The following INO80D variants were observed in gnomAD, a reference collection of about 807,000 sequenced individuals.
INO80D encodes the protein INO80 complex subunit D.
INO80D carries 21 observed loss-of-function variants against 87.6 expected under a neutral mutation model. The ratio of observed to expected loss-of-function variants is 0.24; its 90% confidence interval spans 0.17 to 0.35. The LOEUF (loss-of-function observed/expected upper bound fraction) is 0.35. Ranked by LOEUF, INO80D falls within the 10% of genes least tolerant of loss-of-function variation. The probability of loss-of-function intolerance (pLI) is 1.00; values close to 1 mark genes in which losing one functional copy is unlikely to be tolerated. For missense variants in INO80D, 982 were observed against 1,280.7 expected (o/e 0.77, Z 3.56); for synonymous variants, 440 against 491.0 (o/e 0.90, Z 1.37).
At chr2:206,040,032 C>G (rs900467038) in intron 5 of INO80D, among the ~76,000 whole-genome samples, 10 of 151,834 alleles carry the variant, frequency 6.6e-5, no homozygotes, top group Non-Finnish European at 2.9e-5. Flanking sequence ...GTGACTCACA[C>G]CTGTAATCCC....
At chr2:206,033,674 A>T (rs951550542) in intron 5 of INO80D, among the ~76,000 whole-genome samples, 1 of 152,192 alleles carries the variant, frequency 6.6e-6, no homozygotes, top group African/African-American at 2.4e-5. Flanking sequence ...TCACACCTCA[A>T]GGAAGTAGAG....
chr2:206,072,010 T>A (rs1333117278), intron 1 of INO80D, among the ~76,000 whole-genome samples: 3 of 152,108 alleles, frequency 2.0e-5, no homozygotes, highest in Non-Finnish European at 4.4e-5. Context: ...CCTACAAAAC[T>A]GGTAGGACTG....
rs111924182 is a variant in INO80D at position 206,053,869 on chromosome 2, C to T, written c.964+2329G>A. On this transcript the variant is annotated intron_variant, in intron 4 of 10. Coordinates refer to ENST00000403263, the MANE Select transcript of INO80D (RefSeq NM_017759.5). ...TTTTTTTTTTTTTGAGATGGAGTTT[C>T]GCTCTTGTTGCCCAAGCTGGAGTAC... Among the ~76,000 whole-genome samples the T allele has an allele frequency of 6.5e-3, 938 of 144,094 alleles. 8 individuals are homozygous for T. The highest frequency in any genetic ancestry group is 0.023 in the African/African-American group (899 of 39,264). The allele number at this position is 144,094 out of a possible 152,430, so 94.5% of individuals were successfully genotyped here. A position where few individuals can be genotyped will look rare whatever the true frequency, so the allele number is the denominator to read the frequency against.
At chr2:206,040,582 C>A in intron 5 of INO80D, 1 of 265,144 alleles carries the variant, frequency 3.8e-6, no homozygotes, top group Admixed American at 3.9e-5. Context: ...TGATCGCTAT[C>A]CCTGCAAAGT....
chr2:206,007,218 C>T (rs1322052268), intron 10 of INO80D, 66 bp downstream of exon 10: 3 of 1,409,686 alleles, frequency 2.1e-6, no homozygotes, highest in Non-Finnish European at 3.0e-6. Flanking sequence ...CATCTCAAAA[C>T]ACTATTTCTT....
rs544689044 is a variant in INO80D at position 206,056,593 on chromosome 2, C to T, written c.569G>A (p.Arg190Gln). 1.2e-6 allele frequency: 2 copies of T among 1,610,616 alleles called. No individual in the cohort carries two copies. The highest frequency in any genetic ancestry group is 1.7e-6 in the Non-Finnish European group (2 of 1,178,334). The change falls in exon 4 of 11, where the codon CGA (arginine) becomes CAA (glutamine). Residue 190 changes from arginine to glutamine, a missense_variant. Arg to Gln is a conservative substitution (Grantham distance 43, BLOSUM62 1). Coordinates refer to ENST00000403263, the MANE Select transcript of INO80D (RefSeq NM_017759.5). ...AGGAGGGGGACTAAAGTGCTCTTGT[C>T]GAACTTTTAAAATCTCTGTCTCTCT... Reference protein sequence around the residue: ...RQRETEILKVRQEHFSPPPAP... With the variant: ...RQRETEILKVQQEHFSPPPAP...
chr2:206,080,629 C>T (rs1056869970), intron 1 of INO80D, among the ~76,000 whole-genome samples: 7 of 152,090 alleles, frequency 4.6e-5, no homozygotes, highest in Admixed American at 1.3e-4. Context: ...AAAATCTGGC[C>T]GGGCGCGGTG....
At chr2:206,076,503 T>C (rs1432100728) in intron 1 of INO80D, among the ~76,000 whole-genome samples, 1 of 152,200 alleles carries the variant, frequency 6.6e-6, no homozygotes, top group African/African-American at 2.4e-5. Context: ...TGAGGAATGA[T>C]GAAAATCTAT....
intron 5 of INO80D, among the ~76,000 whole-genome samples, chr2:206,028,888 T>G (rs998496050): frequency 1.3e-5 from 2 of 151,916 alleles, no homozygotes; most frequent in African/African-American, 4.8e-5. Flanking sequence ...TGTTTTGTTT[T>G]TTTGTTTTTT....
intron 1 of INO80D, among the ~76,000 whole-genome samples, chr2:206,070,031 TG>T (rs1689919676): frequency 6.6e-6 from 1 of 152,178 alleles, no homozygotes; most frequent in African/African-American, 2.4e-5. Context: ...CCCAGCACTT[TG>T]GGAGGCTGAG....
chr2:206,031,034 G>A (rs1431268133), intron 5 of INO80D, among the ~76,000 whole-genome samples: 1 of 152,062 alleles, frequency 6.6e-6, no homozygotes, highest in African/African-American at 2.4e-5. Flanking sequence ...GCAGGCAGCA[G>A]TTTCCACCAA....
At chr2:206,015,388 T>A (rs1338864809) in intron 8 of INO80D, among the ~76,000 whole-genome samples, 1 of 152,134 alleles carries the variant, frequency 6.6e-6, no homozygotes, top group Non-Finnish European at 1.5e-5. Context: ...AGGGCTCCCG[T>A]GCTCTGTGCA....
At chr2:206,050,467 G>C (rs534849263) in intron 4 of INO80D, among the ~76,000 whole-genome samples, 4 of 141,850 alleles carry the variant, frequency 2.8e-5, no homozygotes, top group African/African-American at 1.0e-4. Context: ...ATTGCAGCCT[G>C]GGTGACAGAG....
chr2:206,078,928 G>A (rs1690200020), intron 1 of INO80D, among the ~76,000 whole-genome samples: 1 of 152,110 alleles, frequency 6.6e-6, no homozygotes, highest in Non-Finnish European at 1.5e-5. Context: ...GCAACAGAGT[G>A]AGACTTTGTC....
chr2:206,036,356 C>T (rs1356757392), intron 5 of INO80D, among the ~76,000 whole-genome samples: 1 of 151,992 alleles, frequency 6.6e-6, no homozygotes, highest in East Asian at 1.9e-4. Flanking sequence ...CATCAGTCAA[C>T]GAGTGGATAA....
rs1337547411 is a variant in INO80D at position 205,998,785 on chromosome 2, C to T, written c.*5583G>A. 1 of 152,164 alleles carries T rather than the reference C, an allele frequency of 6.6e-6. No homozygotes were observed. The highest frequency in any genetic ancestry group is 1.5e-5 in the Non-Finnish European group (1 of 68,038). 9.4% of individuals were successfully genotyped at this position (152,164 alleles called of 1,614,324 possible). On this transcript the variant is annotated 3_prime_UTR_variant, in exon 11 of 11. Transcript: ENST00000403263. ...CCAAATGTTTCCTCTTTCTTCCGCT[C>T]TCTTCAATGATGAGTCACCTTTAGT...
At chr2:206,039,549 C>T (rs1016893823) in intron 5 of INO80D, among the ~76,000 whole-genome samples, 1 of 151,884 alleles carries the variant, frequency 6.6e-6, no homozygotes, top group South Asian at 2.1e-4. Flanking sequence ...CAGTGGCTCA[C>T]GCCTATAATC....
At chr2:206,028,910 CAG>C (rs2105835341) in intron 5 of INO80D, among the ~76,000 whole-genome samples, 1 of 149,278 alleles carries the variant, frequency 6.7e-6, no homozygotes, top group African/African-American at 2.5e-5. Context: ...TTTTTGGAGA[CAG>C]AGTCTCACTC....
chr2:206,031,150 A>T (rs1688755455), intron 5 of INO80D, among the ~76,000 whole-genome samples: 2 of 151,932 alleles, frequency 1.3e-5, no homozygotes, highest in African/African-American at 4.8e-5. Flanking sequence ...GCTACTTGGG[A>T]GGCTGAGGCA....
Sources: allele counts gnomAD v4.1 joint callset (sites outside exome capture counted in the v4.1 genomes callset), GRCh38; gene constraint gnomAD v4.1.1; transcripts MANE v1.5; gene names NCBI Gene and HGNC (gene_info 2026-07-23, HGNC 2026-07-21).